The following SHISA9 variants were observed in gnomAD, a reference collection of about 807,000 sequenced individuals.
SHISA9 encodes shisa family member 9.
SHISA9 carries 13 observed loss-of-function variants against 38.0 expected under a neutral mutation model. That is an observed-to-expected ratio of 0.34 (90% CI 0.22 to 0.54). SHISA9 has a LOEUF of 0.54. SHISA9 is among the 20% of genes least tolerant of loss of function. The probability of loss-of-function intolerance (pLI) is 0.91; values close to 1 mark genes in which losing one functional copy is unlikely to be tolerated. For missense variants in SHISA9, 538 were observed against 575.8 expected (o/e 0.93, Z 0.67); for synonymous variants, 275 against 242.0 (o/e 1.14, Z -1.27).
intron 1 of SHISA9, chr16:12,911,694 C>T (rs2071186154): frequency 6.6e-6 from 1 of 152,198 alleles, no homozygotes. Flanking sequence ...TTGTTTTGAT[C>T]TCAATAGACT....
the SHISA9 span, among the ~76,000 whole-genome samples, chr16:13,459,191 T>C: frequency 6.6e-6 from 1 of 152,112 alleles, no homozygotes; most frequent in African/African-American, 2.4e-5. Flanking sequence ...TTATTGAAAC[T>C]CCAAATGAAG....
At chr16:12,942,581 TA>T (rs1167847866) in intron 2 of SHISA9, among the ~76,000 whole-genome samples, 1 of 152,262 alleles carries the variant, frequency 6.6e-6, no homozygotes, top group Non-Finnish European at 1.5e-5. Context: ...GTTCCTTGTA[TA>T]ATGCCTATTG....
chr16:13,384,488 A>G, the SHISA9 span, among the ~76,000 whole-genome samples: 1 of 152,204 alleles, frequency 6.6e-6, no homozygotes, highest in African/African-American at 2.4e-5. Flanking sequence ...GAATCTGGCT[A>G]TGGTAGGTTT....
intron 2 of SHISA9, among the ~76,000 whole-genome samples, chr16:12,946,364 A>T (rs2071688381): frequency 6.6e-6 from 1 of 152,206 alleles, no homozygotes; most frequent in Non-Finnish European, 1.5e-5. Flanking sequence ...TGAAAGCATA[A>T]GGGAACCAAG....
intron 1 of SHISA9, chr16:12,910,462 C>T (rs1328680097): frequency 1.0e-6 from 1 of 985,234 alleles, no homozygotes; most frequent in East Asian, 1.1e-4. Context: ...AGGTAACACA[C>T]AAGGAAATGT....
the SHISA9 span, among the ~76,000 whole-genome samples, chr16:13,491,802 A>T: frequency 1.1e-5 from 1 of 89,504 alleles, no homozygotes; most frequent in Admixed American, 1.2e-4. Flanking sequence ...GGATTTTTAA[A>T]TATTTATTTA....
the SHISA9 span, among the ~76,000 whole-genome samples, chr16:13,330,403 G>A: frequency 6.6e-6 from 1 of 152,084 alleles, no homozygotes; most frequent in Non-Finnish European, 1.5e-5. Context: ...TTTAAAAATA[G>A]GTACTATAAA....
chr16:13,197,061 C>T (rs567549242), intron 2 of SHISA9, among the ~76,000 whole-genome samples: 2 of 151,830 alleles, frequency 1.3e-5, no homozygotes, highest in South Asian at 4.2e-4. Flanking sequence ...CACTGCACTC[C>T]AGCCTGGGTG....
At chr16:13,394,046 C>G in the SHISA9 span, among the ~76,000 whole-genome samples, 73 of 152,342 alleles carry the variant, frequency 4.8e-4, no homozygotes, top group Middle Eastern at 6.8e-3. Flanking sequence ...ATGTGACTTG[C>G]CTTGGCGGAT....
intron 4 of SHISA9, among the ~76,000 whole-genome samples, chr16:13,221,414 C>G (rs893946341): frequency 6.9e-6 from 1 of 144,054 alleles, no homozygotes; most frequent in African/African-American, 2.6e-5. Context: ...CCATGTAGTT[C>G]AAAAGAAGAG....
At chr16:13,420,201 G>A in the SHISA9 span, among the ~76,000 whole-genome samples, 9 of 114,330 alleles carry the variant, frequency 7.9e-5, no homozygotes, top group South Asian at 1.5e-3. Flanking sequence ...AGCGGAGATC[G>A]CACCACTGCA....
intron 2 of SHISA9, among the ~76,000 whole-genome samples, chr16:13,160,611 C>G (rs2142012233): frequency 6.6e-6 from 1 of 152,268 alleles, no homozygotes; most frequent in Admixed American, 6.5e-5. Flanking sequence ...AAGTGCAAAC[C>G]TAAGTATGGT....
the SHISA9 span, among the ~76,000 whole-genome samples, chr16:13,483,706 G>A: frequency 3.9e-5 from 6 of 152,024 alleles, no homozygotes; most frequent in Non-Finnish European, 7.4e-5. Flanking sequence ...ATATCCTGGC[G>A]AAAGGAATGT....
the SHISA9 span, among the ~76,000 whole-genome samples, chr16:13,373,063 T>C: frequency 2.6e-5 from 4 of 152,120 alleles, no homozygotes; most frequent in Non-Finnish European, 5.9e-5. Flanking sequence ...AAAGCACATA[T>C]CCCGACTACT....
chr16:13,206,469 A>G (rs906925862), intron 3 of SHISA9, among the ~76,000 whole-genome samples: 1 of 152,234 alleles, frequency 6.6e-6, no homozygotes, highest in Non-Finnish European at 1.5e-5. Flanking sequence ...TCTAAGATGC[A>G]TGTGGTAACC....
the SHISA9 span, among the ~76,000 whole-genome samples, chr16:13,547,757 T>C: frequency 6.6e-6 from 1 of 152,150 alleles, no homozygotes; most frequent in Non-Finnish European, 1.5e-5. Context: ...TGTTCATGAA[T>C]TGGAAGAATT....
At chr16:13,385,057 G>A in the SHISA9 span, among the ~76,000 whole-genome samples, 1 of 152,176 alleles carries the variant, frequency 6.6e-6, no homozygotes, top group Non-Finnish European at 1.5e-5. Flanking sequence ...GCATGAAAAA[G>A]AAGCACAGGT....
chr16:13,314,900 C>G, the SHISA9 span, among the ~76,000 whole-genome samples: 3 of 152,164 alleles, frequency 2.0e-5, no homozygotes, highest in African/African-American at 7.2e-5. Flanking sequence ...CAGATCTGCT[C>G]TACAATATAG....
chr16:13,308,964 T>C, the SHISA9 span, among the ~76,000 whole-genome samples: 1 of 152,212 alleles, frequency 6.6e-6, no homozygotes, highest in Non-Finnish European at 1.5e-5. Context: ...AAGAAACAAC[T>C]ACATTATGTG....
Sources: gnomAD v4.1 joint callset for allele counts (sites outside exome capture counted in the v4.1 genomes callset) on GRCh38, gnomAD v4.1.1 for gene constraint, MANE v1.5 for transcripts, NCBI Gene and HGNC (gene_info 2026-07-23, HGNC 2026-07-21) for gene names.